FAF1: variants seen among roughly 807,000 people sequenced by gnomAD.
FAF1 encodes the protein Fas associated factor 1.
In FAF1, 25 loss-of-function variants were observed where a neutral mutation model predicts 92.5. The ratio of observed to expected loss-of-function variants is 0.27; its 90% CI spans 0.20 to 0.38. The LOEUF is 0.38. Among genes scored for constraint, FAF1 ranks in the 10% least tolerant of loss-of-function variants. The pLI is 1.00. For synonymous variants in FAF1, 234 were observed against 273.2 expected, an observed-to-expected ratio of 0.86 and a Z score of 1.42; for missense variants, 636 against 793.3, an observed-to-expected ratio of 0.80 and a Z score of 2.38.
intron 18 of FAF1, among the ~76,000 whole-genome samples, chr1:50,472,372 C>CAT (rs1646585172): frequency 2.6e-5 from 1 of 38,062 alleles, no homozygotes; most frequent in African/African-American, 1.3e-4. Flanking sequence ...AAAACATACA[C>CAT]ACACACACAC....
At chr1:50,655,760 C>T (rs1655077703) in intron 7 of FAF1, among the ~76,000 whole-genome samples, 1 of 152,172 alleles carries the variant, frequency 6.6e-6, no homozygotes, top group Non-Finnish European at 1.5e-5. Context: ...TATCCTCCCT[C>T]TCTTGTTTTC....
chr1:50,497,745 T>A (rs1646918662), intron 15 of FAF1, among the ~76,000 whole-genome samples: 1 of 151,904 alleles, frequency 6.6e-6, no homozygotes, highest in African/African-American at 2.4e-5. Flanking sequence ...AGACGGGGTT[T>A]CACCATCTTG....
chr1:50,572,398 T>A (rs961962405), intron 12 of FAF1, among the ~76,000 whole-genome samples: 2 of 152,226 alleles, frequency 1.3e-5, no homozygotes, highest in East Asian at 3.8e-4. Flanking sequence ...TATCATCTAA[T>A]AAACAGTCCA....
chr1:50,953,727 G>A (rs927676133), intron 1 of FAF1, among the ~76,000 whole-genome samples: 11 of 151,610 alleles, frequency 7.3e-5, no homozygotes, highest in African/African-American at 2.2e-4. Context: ...CAACAAAAGC[G>A]AAACTCTGTC....
At chr1:50,912,415 C>T (rs191903717) in intron 1 of FAF1, among the ~76,000 whole-genome samples, 36 of 152,214 alleles carry the variant, frequency 2.4e-4, no homozygotes, top group Non-Finnish European at 2.8e-4. Context: ...TTGAGAAGCA[C>T]GAGTATAGTG....
At chr1:50,551,926 C>G (rs2149046781) in intron 13 of FAF1, among the ~76,000 whole-genome samples, 1 of 152,192 alleles carries the variant, frequency 6.6e-6, no homozygotes, top group East Asian at 1.9e-4. Flanking sequence ...TACTCTGTAC[C>G]AGACTTTAAA....
chr1:50,675,480 G>A (rs138729305), intron 7 of FAF1, among the ~76,000 whole-genome samples: 1 of 152,240 alleles, frequency 6.6e-6, no homozygotes, highest in Non-Finnish European at 1.5e-5. Context: ...CAAAGAGGCA[G>A]ATGCTGCTCC....
intron 1 of FAF1, among the ~76,000 whole-genome samples, chr1:50,896,695 C>T (rs1644760077): frequency 1.3e-5 from 2 of 152,306 alleles, no homozygotes; most frequent in African/African-American, 2.4e-5. Flanking sequence ...AAGGCAAATA[C>T]TGACTGTATC....
chr1:50,547,435 T>A (rs550210610), intron 13 of FAF1, among the ~76,000 whole-genome samples: 2 of 151,322 alleles, frequency 1.3e-5, no homozygotes, highest in Non-Finnish European at 2.9e-5. Context: ...TTTTTTGAGA[T>A]GGAGTTTTGC....
chr1:50,627,737 A>C (rs1653572909), intron 8 of FAF1, among the ~76,000 whole-genome samples: 1 of 152,152 alleles, frequency 6.6e-6, no homozygotes, highest in African/African-American at 2.4e-5. Context: ...TTTCTTTCTT[A>C]ATCTGGATGC....
intron 1 of FAF1, among the ~76,000 whole-genome samples, chr1:50,942,649 C>T (rs531578906): frequency 6.6e-6 from 1 of 152,074 alleles, no homozygotes; most frequent in Non-Finnish European, 1.5e-5. Flanking sequence ...TGGCCTGTTA[C>T]AATTTCATGG....
chr1:50,442,962 G>A lies in FAF1; in HGVS notation c.1870-1439C>T, dbSNP rs553141874. Among the ~76,000 whole-genome samples, 28 of 152,300 alleles carry A rather than the reference G, an allele frequency of 1.8e-4. 1 individual carries two copies. The South Asian group carries it at 5.2e-3, about 28-fold the overall frequency. ...ACAGGCAAGGAGTGGGAAGGGCCTA[G>A]CCTGTCTATCTTCCAATGCACTGAG... On this transcript the variant is annotated intron_variant, in intron 18 of 18. Coordinates refer to ENST00000396153, the MANE Select transcript of FAF1 (RefSeq NM_007051.3).
At chr1:50,935,664 G>C (rs1338556946) in intron 1 of FAF1, among the ~76,000 whole-genome samples, 1 of 149,672 alleles carries the variant, frequency 6.7e-6, no homozygotes. Flanking sequence ...CTAGAGATGG[G>C]GTTTCACCAT....
chr1:50,887,119 T>C (rs946959194), intron 1 of FAF1, among the ~76,000 whole-genome samples: 18 of 152,244 alleles, frequency 1.2e-4, no homozygotes, highest in African/African-American at 4.3e-4. Context: ...TTTGCATTTC[T>C]CTGATGGCCA....
At chr1:50,585,880 T>TAAAAAAA (rs958484582) in intron 9 of FAF1, among the ~76,000 whole-genome samples, 131 of 90,288 alleles carry the variant, frequency 1.5e-3, no homozygotes, top group East Asian at 2.8e-3. Flanking sequence ...CATCTCTACA[T>TAAAAAAA]AAAAAAAAAA....
intron 7 of FAF1, among the ~76,000 whole-genome samples, chr1:50,668,620 A>G (rs1215176848): frequency 2.0e-5 from 3 of 152,212 alleles, no homozygotes; most frequent in Non-Finnish European, 4.4e-5. Flanking sequence ...TATCAAATGA[A>G]TTGACACTAT....
At chr1:50,922,506 G>C (rs1381295794) in intron 1 of FAF1, among the ~76,000 whole-genome samples, 3 of 133,870 alleles carry the variant, frequency 2.2e-5, no homozygotes, top group Non-Finnish European at 4.8e-5. Flanking sequence ...GAAGAGAAGA[G>C]AAGAGAAGAA....
rs553215124 is a variant in FAF1 at position 50,451,357 on chromosome 1, G to A, written c.1870-9834C>T. On this transcript the variant is annotated intron_variant, in intron 18 of 18. Coordinates refer to ENST00000396153, the MANE Select transcript of FAF1 (RefSeq NM_007051.3). The stretch of plus-strand genomic sequence containing the variant: ...ATTGGGAGCTTACTAGGTGCTAACT[G>A]TGCTAAGTGCTGTATAAGCACTCAT... Among the ~76,000 whole-genome samples the A allele has an allele frequency of 7.9e-5, 12 of 152,326 alleles. No individual in the cohort carries two copies. The East Asian group carries it at 2.3e-3, about 29-fold the overall frequency.
intron 4 of FAF1, among the ~76,000 whole-genome samples, chr1:50,749,235 T>C (rs1365321264): frequency 2.0e-5 from 3 of 152,190 alleles, no homozygotes; most frequent in Non-Finnish European, 2.9e-5. Context: ...GCTTATGCAT[T>C]TGCAAGTCTG....
Sources: gnomAD v4.1 joint callset for allele counts (sites outside exome capture counted in the v4.1 genomes callset) on GRCh38, gnomAD v4.1.1 for gene constraint, MANE v1.5 for transcripts, NCBI Gene and HGNC (gene_info 2026-07-23, HGNC 2026-07-21) for gene names.